TENM2: variants seen among roughly 807,000 people sequenced by gnomAD.
TENM2 encodes teneurin-2.
In TENM2, 52 loss-of-function variants were observed where a neutral mutation model predicts 245.2. The ratio of observed to expected loss-of-function variants is 0.21; its 90% CI spans 0.17 to 0.27. The LOEUF is 0.27. Among genes scored for constraint, TENM2 ranks in the 10% least tolerant of loss-of-function variants. The pLI, the probability that TENM2 is intolerant of heterozygous loss-of-function variation, is 1.00. For synonymous variants in TENM2, 1,363 were observed against 1,438.9 expected (o/e 0.95, Z 1.19); for missense variants, 3,046 against 3,666.8 (o/e 0.83, Z 4.37).
At chr5:168,041,379 A>C (rs1177901220) in intron 5 of TENM2, among the ~76,000 whole-genome samples, 1 of 152,188 alleles carries the variant, frequency 6.6e-6, no homozygotes, top group Non-Finnish European at 1.5e-5. Flanking sequence ...TCCAAACAAA[A>C]GGCAAAGCTC....
chr5:168,158,015 C>T (rs530945789), intron 12 of TENM2, among the ~76,000 whole-genome samples: 3 of 152,168 alleles, frequency 2.0e-5, no homozygotes, highest in African/African-American at 4.8e-5. Flanking sequence ...CTCTGCCTTC[C>T]GGGTTCAAAT....
At chr5:167,674,975 C>T (rs934899681) in intron 2 of TENM2, among the ~76,000 whole-genome samples, 5 of 152,096 alleles carry the variant, frequency 3.3e-5, no homozygotes, top group Admixed American at 2.6e-4. Flanking sequence ...CTTCATTTCA[C>T]TGTCTCAAAA....
chr5:167,916,752 AAG>A (rs1270825026), intron 3 of TENM2, among the ~76,000 whole-genome samples: 1 of 152,106 alleles, frequency 6.6e-6, no homozygotes, highest in African/African-American at 2.4e-5. Context: ...AAATAAAGAA[AAG>A]AAAATCCGTG....
the TENM2 span, among the ~76,000 whole-genome samples, chr5:167,002,858 T>C: frequency 6.6e-6 from 1 of 152,118 alleles, no homozygotes; most frequent in Admixed American, 6.6e-5. Flanking sequence ...TTAAGGAGTA[T>C]TACATACTCA....
intron 2 of TENM2, among the ~76,000 whole-genome samples, chr5:167,857,812 T>C (rs1201650311): frequency 6.6e-6 from 1 of 152,216 alleles, no homozygotes; most frequent in Admixed American, 6.5e-5. Flanking sequence ...TTCTTCATCC[T>C]TATTTGAATT....
intron 4 of TENM2, among the ~76,000 whole-genome samples, chr5:167,958,827 T>G (rs891143796): frequency 6.6e-6 from 1 of 151,982 alleles, no homozygotes; most frequent in Non-Finnish European, 1.5e-5. Flanking sequence ...TTCTGGCTTG[T>G]AGCGTGTCTG....
the TENM2 span, among the ~76,000 whole-genome samples, chr5:167,246,775 G>A: frequency 3.0e-4 from 45 of 151,964 alleles, 1 homozygote; most frequent in East Asian, 7.6e-3. Flanking sequence ...TGGTTGGCGC[G>A]GGGTGTGGAT....
Position 167,742,977 on chromosome 5 carries a change from AAACAACAAC to A in TENM2, c.503-132973_503-132965del, listed in dbSNP as rs139078440. On this transcript the variant is annotated intron_variant, in intron 2 of 28. Coordinates refer to ENST00000518659, the Ensembl canonical transcript of TENM2. ...GTGACAGAGTGAGACCTTGTCTTAAAAACAACAACAACAACAACAACAACAACAACAACA... is the reference window on the plus strand; with the variant it reads ...GTGACAGAGTGAGACCTTGTCTTAAAAACAACAACAACAACAACAACAACA... Among the ~76,000 whole-genome samples the A allele has an allele frequency of 5.1e-3, 751 of 147,806 alleles. 3 individuals carry two copies. Among genetic ancestry groups the A allele is most frequent in the East Asian group, 0.019 (93 of 4,898 alleles).
the TENM2 span, among the ~76,000 whole-genome samples, chr5:167,104,679 A>T: frequency 4.6e-5 from 7 of 152,306 alleles, no homozygotes; most frequent in Middle Eastern, 3.4e-3. Flanking sequence ...ATGGGTGAAG[A>T]TGGACATTAA....
At chr5:167,700,833 G>A (rs767947536) in intron 2 of TENM2, among the ~76,000 whole-genome samples, 10 of 150,612 alleles carry the variant, frequency 6.6e-5, no homozygotes, top group Admixed American at 4.7e-4. Flanking sequence ...AATGTGTATC[G>A]ATTCTATGTT....
rs967810089 is a variant in TENM2, at chr5:167,757,721, G to A, written c.503-118265G>A. 5.3e-5 allele frequency among the ~76,000 whole-genome samples: 8 copies of A among 152,074 alleles called. No homozygotes were observed. In the South Asian group the frequency reaches 6.2e-4, roughly 12 times the overall value. On this transcript the variant is annotated intron_variant, in intron 2 of 28. Transcript: ENST00000518659. ...ACACTCCCACCAACAGTGTAAAAGCGTTCCTGTTTCTCCACATCCTTTCCA... is the reference window on the plus strand; with the variant it reads ...ACACTCCCACCAACAGTGTAAAAGCATTCCTGTTTCTCCACATCCTTTCCA...
At chr5:167,452,655 C>A (rs952857325) in intron 2 of TENM2, among the ~76,000 whole-genome samples, 1 of 151,682 alleles carries the variant, frequency 6.6e-6, no homozygotes, top group Non-Finnish European at 1.5e-5. Flanking sequence ...TAGTTTAACA[C>A]CTCTTTTATG....
chr5:167,679,478 TTTAGA>T (rs1188930955), intron 2 of TENM2, among the ~76,000 whole-genome samples: 4 of 152,178 alleles, frequency 2.6e-5, no homozygotes, highest in Non-Finnish European at 4.4e-5. Context: ...TTTTATTCAC[TTTAGA>T]TTAGGAGTAA....
At chr5:167,263,851 C>T in the TENM2 span, among the ~76,000 whole-genome samples, 1 of 152,104 alleles carries the variant, frequency 6.6e-6, no homozygotes, top group African/African-American at 2.4e-5. Flanking sequence ...TACATGGTGG[C>T]TCACGGCTTT....
chr5:168,133,325 A>G (rs1029846283), intron 12 of TENM2, among the ~76,000 whole-genome samples: 1 of 152,216 alleles, frequency 6.6e-6, no homozygotes, highest in Admixed American at 6.5e-5. Context: ...AAATTTAAAG[A>G]AAAATATTAA....
At chr5:168,152,288 A>G (rs372262691) in intron 12 of TENM2, among the ~76,000 whole-genome samples, 44 of 152,344 alleles carry the variant, frequency 2.9e-4, no homozygotes, top group African/African-American at 1.1e-3. Context: ...CCTGGGGCAG[A>G]TTCTTTGCCT....
At chr5:168,149,400 G>A (rs760077099) in intron 12 of TENM2, 1 of 457,068 alleles carries the variant, frequency 2.2e-6, no homozygotes, top group South Asian at 1.5e-5. Context: ...CAACCGAGGA[G>A]TCTGGTTTGC....
chr5:168,148,425 C>T (rs1441182563), intron 12 of TENM2, among the ~76,000 whole-genome samples: 1 of 152,204 alleles, frequency 6.6e-6, no homozygotes, highest in East Asian at 1.9e-4. Flanking sequence ...CTGTGCCACA[C>T]ATGAATGTAC....
the TENM2 span, among the ~76,000 whole-genome samples, chr5:167,043,262 T>C: frequency 6.6e-6 from 1 of 152,228 alleles, no homozygotes; most frequent in African/African-American, 2.4e-5. Flanking sequence ...AAGATAGCTT[T>C]TTATTTCAAA....
Sources: allele counts gnomAD v4.1 joint callset (sites outside exome capture counted in the v4.1 genomes callset), GRCh38; gene constraint gnomAD v4.1.1; transcripts MANE v1.5; gene names NCBI Gene and HGNC (gene_info 2026-07-23, HGNC 2026-07-21).